The following RBM45 variants were observed in gnomAD, a reference collection of about 807,000 sequenced individuals.
RBM45 encodes RNA binding motif protein 45.
A neutral mutation model predicts 58.5 loss-of-function variants in RBM45; 39 were observed. That is an observed-to-expected ratio of 0.67 (90% CI 0.52 to 0.87). The LOEUF (loss-of-function observed/expected upper bound fraction) is 0.87, where lower values mean the gene tolerates loss of function less well. RBM45 is among the 40% of genes least tolerant of loss of function. RBM45 has a pLI of 0.00. For synonymous variants in RBM45, 193 were observed against 203.0 expected (o/e 0.95, Z 0.42); for missense variants, 481 against 581.6 (o/e 0.83, Z 1.78).
chr2:178,127,643 C>G (rs1166544044), intron 9 of RBM45, among the ~76,000 whole-genome samples: 1 of 152,108 alleles, frequency 6.6e-6, no homozygotes, highest in Non-Finnish European at 1.5e-5. Context: ...CAATTTAACC[C>G]TGGATATATT....
chr2:178,132,868 G>A (rs143624292), downstream of RBM45, among the ~76,000 whole-genome samples: 36 of 152,278 alleles, frequency 2.4e-4, no homozygotes, highest in Middle Eastern at 3.4e-3. Context: ...GATTACAGGC[G>A]TGAACCACTG....
intron 5 of RBM45, among the ~76,000 whole-genome samples, chr2:178,122,540 A>C (rs2087868608): frequency 6.6e-6 from 1 of 152,102 alleles, no homozygotes; most frequent in Non-Finnish European, 1.5e-5. Flanking sequence ...TTCTAGGCAC[A>C]CATTTTTGTG....
At chr2:178,115,837 G>T (rs768586672) in intron 1 of RBM45, among the ~76,000 whole-genome samples, 2 of 152,142 alleles carry the variant, frequency 1.3e-5, no homozygotes, top group Non-Finnish European at 2.9e-5. Flanking sequence ...ACAATGCAGA[G>T]ATTGGTATTA....
At chr2:178,127,991 G>A (rs929461307) in intron 9 of RBM45, among the ~76,000 whole-genome samples, 12 of 111,056 alleles carry the variant, frequency 1.1e-4, no homozygotes, top group Non-Finnish European at 2.2e-4. Flanking sequence ...TGGTCTCTAC[G>A]CCCTTTTTTT....
downstream of RBM45, among the ~76,000 whole-genome samples, chr2:178,133,637 A>G (rs907299510): frequency 1.3e-4 from 20 of 152,344 alleles, no homozygotes; most frequent in East Asian, 3.9e-3. Context: ...GCTAAAAATC[A>G]GTGAGGGCAA....
In RBM45 at chr2:178,118,188, A is replaced by G. The variant is rs2087803354; in HGVS notation, c.550+7A>G. The G allele has an allele frequency of 6.2e-7, 1 of 1,606,984 alleles. No individual in the cohort carries two copies. The highest frequency in any genetic ancestry group is 1.3e-5 in the African/African-American group (1 of 74,630). On this transcript the variant is annotated splice_region_variant and intron_variant, in intron 3 of 9. Transcript: ENST00000286070. ...ATAGAAAACTGTGATCGAAGTAAGG[A>G]TGTGTTTAACATTGTTAAAAACTTT...
intron 8 of RBM45, chr2:178,125,631 C>T (rs1228005273): frequency 2.2e-6 from 1 of 464,824 alleles, no homozygotes; most frequent in African/African-American, 2.0e-5. Flanking sequence ...TTTGTTGTCA[C>T]CATGGAGGCA....
rs763610439 is a variant in RBM45 at position 178,125,791 on chromosome 2, G to T, written c.1233-193G>T. On this transcript the variant is annotated intron_variant, in intron 8 of 9. Coordinates refer to ENST00000286070, the MANE Select transcript of RBM45 (RefSeq NM_152945.4). ...GAAAAAGGAGTTAGATTAAGGAAAAGATGATGGTCTGAATGAGAAGAGAGA... is the reference window on the plus strand; with the variant it reads ...GAAAAAGGAGTTAGATTAAGGAAAATATGATGGTCTGAATGAGAAGAGAGA... 7.1e-6 allele frequency: 5 copies of T among 708,070 alleles called. No homozygotes were observed. In the African/African-American group the frequency reaches 8.8e-5, roughly 12 times the overall value. The allele number at this position is 708,070 out of a possible 1,614,324, so 43.9% of individuals were successfully genotyped here.
downstream of RBM45, among the ~76,000 whole-genome samples, chr2:178,133,593 A>G (rs1442165015): frequency 6.6e-6 from 1 of 152,224 alleles, no homozygotes; most frequent in Non-Finnish European, 1.5e-5. Flanking sequence ...TTATAGGTAC[A>G]TTGTAACTTT....
At chr2:178,124,071 G>A in intron 7 of RBM45, 56 bp from the exon 8 acceptor site, 1 of 1,548,690 alleles carries the variant, frequency 6.5e-7, no homozygotes, top group South Asian at 1.2e-5. Flanking sequence ...TTAGCTCTTG[G>A]CCAAAAATCC....
intron 5 of RBM45, 46 bp downstream of exon 5, chr2:178,121,405 C>A (rs11895951): frequency 1.2e-5 from 1 of 81,542 alleles, no homozygotes; most frequent in Non-Finnish European, 1.9e-5. Flanking sequence ...TGTATATATA[C>A]ACACACACAC....
At chr2:178,121,484 T>C (rs902476492) in intron 5 of RBM45, 125 bp downstream of exon 5, 20 of 438,540 alleles carry the variant, frequency 4.6e-5, no homozygotes, top group Non-Finnish European at 7.6e-5. Flanking sequence ...GGCACTTTTA[T>C]GTCAAGTACT....
At chr2:178,120,730 T>C (rs1280049919) in intron 4 of RBM45, among the ~76,000 whole-genome samples, 1 of 152,102 alleles carries the variant, frequency 6.6e-6, no homozygotes, top group Non-Finnish European at 1.5e-5. Context: ...AAGACATATG[T>C]AGAGATCCTC....
At chr2:178,134,577 T>G (rs1169961191), downstream of RBM45, among the ~76,000 whole-genome samples, 2 of 152,136 alleles carry the variant, frequency 1.3e-5, no homozygotes, top group East Asian at 3.9e-4. Flanking sequence ...TCTGTTTTTT[T>G]TTGTTGTTTT....
exon 4 of RBM45, chr2:178,138,312 T>C (rs1407286087): frequency 6.6e-6 from 1 of 152,028 alleles, no homozygotes; most frequent in African/African-American, 2.4e-5. Flanking sequence ...GAGCAAAAGA[T>C]AAAAAGCACC....
Position 178,125,977 on chromosome 2 carries a change from G to T in RBM45, c.1233-7G>T, listed in dbSNP as rs2087923796. The T allele has an allele frequency of 6.2e-7, 1 of 1,608,582 alleles. No individual in the cohort carries two copies. ...TTTGGTTGATTATTTTTTTCACTTT[G>T]TTTCAGTCGTTTTGGTAACCTGATC... On this transcript the variant is annotated splice_polypyrimidine_tract_variant and splice_region_variant and intron_variant, in intron 8 of 9. Coordinates refer to ENST00000286070, the MANE Select transcript of RBM45 (RefSeq NM_152945.4).
In RBM45 at chr2:178,121,401, TATAC is replaced by T. The variant is rs1243382224; in HGVS notation, c.853+44_853+47del. The T allele has an allele frequency of 2.8e-4, 169 of 595,022 alleles. 2 individuals carry two copies. Among genetic ancestry groups the T allele is most frequent in the African/African-American group, 7.4e-4 (28 of 37,912 alleles). 36.9% of individuals were successfully genotyped at this position (595,022 alleles called of 1,614,324 possible). A position where few individuals can be genotyped will look rare whatever the true frequency, so the allele number is the denominator to read the frequency against. ...ATTAAAAAATATATATATATGTATA[TATAC>T]ACACACACACACACACACACACACA... On this transcript the variant is annotated intron_variant, in intron 5 of 9. Transcript: ENST00000286070.
chr2:178,112,933 A>G (rs1041921333), intron 1 of RBM45, 87 bp downstream of exon 1: 1 of 1,400,308 alleles, frequency 7.1e-7, no homozygotes, highest in African/African-American at 1.4e-5. Context: ...GGGGTGAGGG[A>G]GGAGTGGAAC....
exon 4 of RBM45, chr2:178,137,400 C>A (rs2088053461): frequency 6.6e-6 from 1 of 152,234 alleles, no homozygotes. Context: ...AAGATGTGTA[C>A]ATATATGTAC....
Sources: allele counts gnomAD v4.1 joint callset (sites outside exome capture counted in the v4.1 genomes callset), GRCh38; gene constraint gnomAD v4.1.1; transcripts MANE v1.5; gene names NCBI Gene and HGNC (gene_info 2026-07-23, HGNC 2026-07-21).